MCF2L2: variants seen among roughly 807,000 people sequenced by gnomAD.
MCF2L2 encodes the protein MCF.2 cell line derived transforming sequence-like 2.
A neutral mutation model predicts 150.2 loss-of-function variants in MCF2L2; 102 were observed. The observed-to-expected ratio is 0.68, with a 90% CI of 0.58 to 0.80. The LOEUF is 0.80. Ranked by LOEUF, MCF2L2 falls within the 30% of genes least tolerant of loss-of-function variation. MCF2L2 has a pLI of 0.00. For synonymous variants in MCF2L2, 465 were observed against 491.3 expected (o/e 0.95, Z 0.71); for missense variants, 1,256 against 1,372.8 (o/e 0.91, Z 1.34).
Position 183,270,811 on chromosome 3 carries a change from A to C in MCF2L2, c.1862+6061T>G, listed in dbSNP as rs778614793. On this transcript the variant is annotated intron_variant, in intron 15 of 29. Transcript: ENST00000328913. This position sits in a 1 kb window ranked among gnomAD's most constrained non-coding sequence, Gnocchi z 4.5. ...CAGGACCTTTGGAAGAATGCTACAG[A>C]TCCTAAAGTAAAAACCATTTCCAAA... 6.2e-7 allele frequency: 1 copy of C among 1,614,034 alleles called. No homozygotes were observed. The highest frequency in any genetic ancestry group is 8.5e-7 in the Non-Finnish European group (1 of 1,179,992).
intron 3 of MCF2L2, among the ~76,000 whole-genome samples, chr3:183,348,202 C>T (rs1730975001): frequency 6.6e-6 from 1 of 152,100 alleles, no homozygotes; most frequent in African/African-American, 2.4e-5. Context: ...TCATATACAC[C>T]ATAGAATACT....
chr3:183,412,942 G>T (rs1474327210), intron 1 of MCF2L2, among the ~76,000 whole-genome samples: 1 of 152,124 alleles, frequency 6.6e-6, no homozygotes, highest in Non-Finnish European at 1.5e-5. Flanking sequence ...ATAGGGTGTT[G>T]AATCTTGTCA....
rs1722908216 is a variant in MCF2L2 at position 183,216,317 on chromosome 3, C to T, written c.2371-223G>A. 2.0e-5 allele frequency among the ~76,000 whole-genome samples: 3 copies of T among 150,532 alleles called. No homozygotes were observed. The Admixed American group carries it at 2.0e-4, about 10-fold the overall frequency. On this transcript the variant is annotated intron_variant, in intron 21 of 29. Coordinates refer to ENST00000328913, the MANE Select transcript of MCF2L2 (RefSeq NM_015078.4). ...AAATCATCTACCTCTGTGCATTGTA[C>T]TAGTGACGAATGAAGTTCATAAATC...
chr3:183,394,717 A>T (rs577710855), intron 1 of MCF2L2, among the ~76,000 whole-genome samples: 1 of 152,364 alleles, frequency 6.6e-6, no homozygotes, highest in African/African-American at 2.4e-5. Flanking sequence ...AGATTTTAAA[A>T]ATCAAGAACA....
At chr3:183,191,252 T>C (rs1216118030) in intron 27 of MCF2L2, among the ~76,000 whole-genome samples, 3 of 102,716 alleles carry the variant, frequency 2.9e-5, no homozygotes, top group Non-Finnish European at 6.0e-5. Context: ...ATATATCCCC[T>C]GTGCTCACAC....
intron 15 of MCF2L2, among the ~76,000 whole-genome samples, chr3:183,251,262 A>G (rs906882907): frequency 6.6e-6 from 1 of 152,208 alleles, no homozygotes; most frequent in Admixed American, 6.5e-5. Flanking sequence ...TACTGCTGCT[A>G]CACTTCAGCT....
chr3:183,394,942 T>C (rs981080115), intron 1 of MCF2L2, among the ~76,000 whole-genome samples: 2 of 152,222 alleles, frequency 1.3e-5, no homozygotes, highest in Admixed American at 6.5e-5. Context: ...TGAGCACTTA[T>C]GTGGTCGATT....
chr3:183,190,671 G>C (rs1022126770), intron 27 of MCF2L2, among the ~76,000 whole-genome samples: 1 of 152,160 alleles, frequency 6.6e-6, no homozygotes, highest in Non-Finnish European at 1.5e-5. Flanking sequence ...ACCCTTAGGG[G>C]AGGACATAAC....
intron 17 of MCF2L2, among the ~76,000 whole-genome samples, chr3:183,229,463 G>A (rs899308521): frequency 1.3e-5 from 2 of 152,144 alleles, no homozygotes; most frequent in African/African-American, 2.4e-5. Flanking sequence ...CTGTTCCTTT[G>A]ATGTCTCTTC....
intron 15 of MCF2L2, among the ~76,000 whole-genome samples, chr3:183,255,407 C>T (rs1724952460): frequency 6.6e-6 from 1 of 152,212 alleles, no homozygotes; most frequent in Non-Finnish European, 1.5e-5. Flanking sequence ...GCAAGCTAAA[C>T]GCAATACCAG....
chr3:183,351,200 A>ATATATATATATATATATATATATATATG (rs1731107009), intron 3 of MCF2L2, among the ~76,000 whole-genome samples: 1 of 92,094 alleles, frequency 1.1e-5, no homozygotes, highest in Non-Finnish European at 2.4e-5. Flanking sequence ...GTATATATAT[A>ATATATATATATATATATATATATATATG]TATATATATA....
intron 10 of MCF2L2, among the ~76,000 whole-genome samples, chr3:183,303,194 CAA>C (rs56742154): frequency 2.4e-5 from 3 of 123,886 alleles, no homozygotes; most frequent in African/African-American, 3.2e-5. Flanking sequence ...ACTCTGTCTC[CAA>C]AAAAAAAAAA....
At chr3:183,284,977 T>C (rs115008458) in intron 14 of MCF2L2, among the ~76,000 whole-genome samples, 3,026 of 152,338 alleles carry the variant, frequency 0.02, 59 homozygotes, top group East Asian at 0.052. Context: ...TATATTCAAA[T>C]AGTTTTCTTG....
intron 3 of MCF2L2, among the ~76,000 whole-genome samples, chr3:183,369,415 T>C (rs556633891): frequency 9.9e-5 from 15 of 152,230 alleles, no homozygotes; most frequent in Non-Finnish European, 2.2e-4. Flanking sequence ...TTTCATGTCT[T>C]CTGCTTCCCT....
At chr3:183,357,610 C>T (rs1181036510) in intron 3 of MCF2L2, among the ~76,000 whole-genome samples, 2 of 152,126 alleles carry the variant, frequency 1.3e-5, no homozygotes, top group East Asian at 1.9e-4. Context: ...TATTCCATGT[C>T]CTCAAGGGGA....
Position 183,207,645 on chromosome 3 carries a change from C to G in MCF2L2, c.2675G>C (p.Gly892Ala). The change falls in exon 23 of 30, where the codon GGA becomes GCA. Residue 892 changes from glycine (G) to alanine (A), a missense_variant. Physicochemically the swap from Gly to Ala is moderately conservative, Grantham distance 60 (BLOSUM62 0). Transcript: ENST00000328913. ...CTTGAAGCTGTAATGAGGAGATAAT[C>G]CCTGGTCCCCAGGCTCCATTCGTAT... ...CKIRMEPGDQGLSPHYSFKKT... is the reference protein window; with the variant it reads ...CKIRMEPGDQALSPHYSFKKT... 1 of 1,614,180 alleles carries G rather than the reference C, an allele frequency of 6.2e-7. No individual in the cohort carries two copies. The highest frequency in any genetic ancestry group is 2.2e-5 in the East Asian group (1 of 44,890).
chr3:183,202,414 T>C (rs898636652), intron 25 of MCF2L2, among the ~76,000 whole-genome samples: 11 of 152,202 alleles, frequency 7.2e-5, no homozygotes, highest in African/African-American at 2.7e-4. Context: ...TATGAGACTC[T>C]AGAAGACCAT....
chr3:183,380,832 G>C (rs1175086845), intron 2 of MCF2L2, among the ~76,000 whole-genome samples: 2 of 152,208 alleles, frequency 1.3e-5, no homozygotes, highest in Non-Finnish European at 2.9e-5. Flanking sequence ...TGTGGAACAA[G>C]ACATAAAGGT....
intron 15 of MCF2L2, among the ~76,000 whole-genome samples, chr3:183,238,231 T>C (rs183795376): frequency 4.7e-5 from 7 of 149,512 alleles, no homozygotes; most frequent in Admixed American, 4.0e-4. Flanking sequence ...CGTTATGAGA[T>C]TTTTTTTGCG....
Sources: allele counts gnomAD v4.1 joint callset (sites outside exome capture counted in the v4.1 genomes callset), GRCh38; gene constraint gnomAD v4.1.1; non-coding constraint Gnocchi (gnomAD v3.1); transcripts MANE v1.5; gene names NCBI Gene and HGNC (gene_info 2026-07-23, HGNC 2026-07-21).